ERICH1: variants seen among roughly 807,000 people sequenced by gnomAD.
ERICH1 encodes glutamate rich 1.
A neutral mutation model predicts 39.6 loss-of-function variants in ERICH1; 56 were observed. The observed-to-expected ratio is 1.41, with a 90% confidence interval of 1.14 to 1.77. The LOEUF is 1.77. ERICH1 is among the 40% of genes most tolerant of loss of function. The pLI is 0.00. For synonymous variants in ERICH1, 313 were observed against 223.6 expected (o/e 1.40, Z -3.57); for missense variants, 826 against 575.4 (o/e 1.44, Z -4.45).
intron 2 of ERICH1, among the ~76,000 whole-genome samples, chr8:701,398 G>A (rs56282107): frequency 0.23 from 35,309 of 151,814 alleles, 4,593 homozygotes; most frequent in Non-Finnish European, 0.3. Flanking sequence ...GGTCTGCCCC[G>A]CCGGACGGGA....
intron 4 of ERICH1, among the ~76,000 whole-genome samples, chr8:671,410 G>C (rs1176610030): frequency 2.2e-4 from 22 of 99,950 alleles, no homozygotes; most frequent in Middle Eastern, 0.01. Context: ...GCTCCAGGCT[G>C]AGACCTCTGA....
intron 1 of ERICH1, among the ~76,000 whole-genome samples, chr8:718,909 T>C (rs1250366917): frequency 3.3e-5 from 5 of 152,022 alleles, no homozygotes; most frequent in South Asian, 2.1e-4. Flanking sequence ...CGGTTTGTCA[T>C]TGCACTCCAA....
At chr8:638,413 G>A (rs1798622136) in intron 3 of ERICH1, among the ~76,000 whole-genome samples, 1 of 152,184 alleles carries the variant, frequency 6.6e-6, no homozygotes, top group Admixed American at 6.5e-5. Context: ...CCGTTACAGT[G>A]CGGTGGGCAG....
intron 3 of ERICH1, among the ~76,000 whole-genome samples, chr8:683,247 T>C (rs1806541769): frequency 1.3e-5 from 2 of 152,138 alleles, no homozygotes; most frequent in African/African-American, 4.8e-5. Flanking sequence ...GTAGAAGACC[T>C]GCCACAGAGA....
At chr8:620,231 G>A (rs1797196711) in intron 3 of ERICH1, among the ~76,000 whole-genome samples, 1 of 152,204 alleles carries the variant, frequency 6.6e-6, no homozygotes, top group African/African-American at 2.4e-5. Context: ...AGAATCACTT[G>A]AATCCAGGAG....
chr8:626,009 T>C (rs1159681055), intron 3 of ERICH1: 1 of 152,270 alleles, frequency 6.6e-6, no homozygotes, highest in African/African-American at 2.4e-5. Flanking sequence ...TCATCCATTC[T>C]ACAATAGAAA....
chr8:615,819 T>C (rs1466810222), intron 3 of ERICH1: 1 of 152,422 alleles, frequency 6.6e-6, no homozygotes, highest in Non-Finnish European at 1.5e-5. Flanking sequence ...TGCATTTCAT[T>C]TTCTGATAGA....
chr8:658,565 C>T (rs113302529), intron 3 of ERICH1, among the ~76,000 whole-genome samples: 11 of 152,296 alleles, frequency 7.2e-5, no homozygotes, highest in Admixed American at 2.0e-4. Context: ...CTGAACTATC[C>T]GCGGCCCACG....
At chr8:690,014 C>A (rs1016896551) in intron 3 of ERICH1, among the ~76,000 whole-genome samples, 1 of 152,200 alleles carries the variant, frequency 6.6e-6, no homozygotes, top group Non-Finnish European at 1.5e-5. Context: ...CTGGCACAAT[C>A]TATAGTGGGT....
At chr8:722,053 A>ACGACGACTC (rs1817450210) in intron 1 of ERICH1, among the ~76,000 whole-genome samples, 1 of 152,186 alleles carries the variant, frequency 6.6e-6, no homozygotes, top group African/African-American at 2.4e-5. Flanking sequence ...CCTTGCAGTC[A>ACGACGACTC]CGACGACTCC....
At chr8:709,343 C>T (rs1308061066) in intron 2 of ERICH1, among the ~76,000 whole-genome samples, 1 of 152,118 alleles carries the variant, frequency 6.6e-6, no homozygotes, top group African/African-American at 2.4e-5. Flanking sequence ...CCGAGGGAAC[C>T]GAAGCAGGGG....
At chr8:624,639 A>G (rs28752272) in intron 3 of ERICH1, among the ~76,000 whole-genome samples, 27,718 of 152,120 alleles carry the variant, frequency 0.18, 3,102 homozygotes, top group Middle Eastern at 0.33. Context: ...GTAAAGGGGA[A>G]GCAGGCACGT....
chr8:694,839 G>A (rs1251294131), intron 2 of ERICH1, among the ~76,000 whole-genome samples: 4 of 152,192 alleles, frequency 2.6e-5, no homozygotes, highest in African/African-American at 9.7e-5. Flanking sequence ...ACTTTATGGG[G>A]TGGGCGGCAG....
intron 3 of ERICH1, chr8:615,647 C>T (rs1044113883): frequency 5.4e-6 from 1 of 185,364 alleles, no homozygotes; most frequent in African/African-American, 2.3e-5. Flanking sequence ...CATTGGAAAT[C>T]AACTTAATGG....
At chr8:664,807 G>C (rs1021363979) in intron 5 of ERICH1, 131 bp from the exon 6 acceptor site, 26 of 643,828 alleles carry the variant, frequency 4.0e-5, no homozygotes, top group Middle Eastern at 4.2e-4. Context: ...TGCAACTTTG[G>C]CATGAAACTG....
At chr8:691,719 A>C (rs113089864) in intron 3 of ERICH1, among the ~76,000 whole-genome samples, 12 of 152,330 alleles carry the variant, frequency 7.9e-5, no homozygotes, top group African/African-American at 2.6e-4. Context: ...CCTTTAATTT[A>C]GGAAGCCAGA....
intron 3 of ERICH1, among the ~76,000 whole-genome samples, chr8:655,354 G>A (rs189774364): frequency 6.6e-6 from 1 of 152,358 alleles, no homozygotes; most frequent in Non-Finnish European, 1.5e-5. Context: ...TAAGCCTGCA[G>A]AGAGGATTTC....
At chr8:671,643 C>T (rs370306202) in intron 4 of ERICH1, among the ~76,000 whole-genome samples, 3 of 149,410 alleles carry the variant, frequency 2.0e-5, no homozygotes, top group Non-Finnish European at 4.4e-5. Context: ...CCCCAGGCTC[C>T]GACCTCTGAA....
At chr8:692,687 C>A (rs868175226) in intron 2 of ERICH1, 75 bp from the exon 3 acceptor site, 37 of 1,409,192 alleles carry the variant, frequency 2.6e-5, no homozygotes, top group Admixed American at 1.8e-4. Flanking sequence ...TTGATTACAT[C>A]GGCATTGTTT....
Sources: gnomAD v4.1 joint callset for allele counts (sites outside exome capture counted in the v4.1 genomes callset) on GRCh38, gnomAD v4.1.1 for gene constraint, MANE v1.5 for transcripts, NCBI Gene and HGNC (gene_info 2026-07-23, HGNC 2026-07-21) for gene names.